The following TIAM1 variants were observed in gnomAD, a reference collection of about 807,000 sequenced individuals.
TIAM1 encodes TIAM Rac1 associated GEF 1, also known as rho guanine nucleotide exchange factor TIAM1.
A neutral mutation model predicts 163.5 loss-of-function variants in TIAM1; 65 were observed. The observed-to-expected ratio is 0.40, with a 90% confidence interval of 0.33 to 0.49. The LOEUF (loss-of-function observed/expected upper bound fraction) is 0.49, where lower values mean the gene tolerates loss of function less well. Among genes scored for constraint, TIAM1 ranks in the 20% least tolerant of loss-of-function variants. The pLI, the probability that TIAM1 is intolerant of heterozygous loss-of-function variation, is 0.77. For synonymous variants in TIAM1, 833 were observed against 810.1 expected (o/e 1.03, Z -0.48); for missense variants, 1,789 against 2,044.7 (o/e 0.87, Z 2.41).
chr21:31,339,904 C>G (rs2075964895), intron 1 of TIAM1, among the ~76,000 whole-genome samples: 1 of 152,154 alleles, frequency 6.6e-6, no homozygotes, highest in Non-Finnish European at 1.5e-5. Flanking sequence ...TTGCAAAATA[C>G]TCATGAAAAC....
intron 2 of TIAM1, among the ~76,000 whole-genome samples, chr21:31,427,084 C>A (rs1483272782): frequency 1.3e-5 from 2 of 152,098 alleles, no homozygotes; most frequent in Non-Finnish European, 1.5e-5. Flanking sequence ...CCATGCCTGG[C>A]TCATGTCTTA....
chr21:31,551,046 A>G (rs1030089950), intron 1 of TIAM1, among the ~76,000 whole-genome samples: 1 of 151,762 alleles, frequency 6.6e-6, no homozygotes, highest in African/African-American at 2.4e-5. Flanking sequence ...CCTAGTCTCT[A>G]CTAAAAATAC....
At chr21:31,130,482 C>T (rs1056419963) in intron 24 of TIAM1, among the ~76,000 whole-genome samples, 167 bp from the exon 25 acceptor site, 5 of 152,036 alleles carry the variant, frequency 3.3e-5, no homozygotes, top group African/African-American at 1.2e-4. Context: ...TGAGAGGCTG[C>T]GTGATAAATA....
At chr21:31,403,752 C>T (rs2147223799) in intron 2 of TIAM1, among the ~76,000 whole-genome samples, 1 of 152,122 alleles carries the variant, frequency 6.6e-6, no homozygotes, top group South Asian at 2.1e-4. Flanking sequence ...TAGAGAGATC[C>T]CTTCTGCTTG....
intron 5 of TIAM1, among the ~76,000 whole-genome samples, chr21:31,251,236 C>A (rs1420290212): frequency 6.6e-6 from 1 of 152,192 alleles, no homozygotes; most frequent in Non-Finnish European, 1.5e-5. Flanking sequence ...TGAGATGCTC[C>A]TCTAGCGTTA....
intron 2 of TIAM1, among the ~76,000 whole-genome samples, chr21:31,435,842 G>A (rs1432859166): frequency 1.3e-5 from 2 of 152,194 alleles, no homozygotes; most frequent in Non-Finnish European, 2.9e-5. Flanking sequence ...ATAAAAACAA[G>A]CTCGGCCCTT....
In TIAM1 at chr21:31,154,388, A is replaced by T; in HGVS notation, c.3030T>A (p.His1010Gln). The change falls in exon 17 of 28, where the codon CAT becomes CAA. Residue 1010 changes from histidine to glutamine, a missense_variant. By Grantham distance (24) the His-to-Gln change is conservative. Transcript: ENST00000541036. ...GGCTCTGGTCAGAGGGGTTCATCTC[A>T]TGCAAACTGCGGCAAAATGCGGCCA... ...EQVAAFCRSL[H>Q]EMNPSDQSPS... 6.2e-7 allele frequency: 1 copy of T among 1,614,122 alleles called. No individual in the cohort carries two copies. The highest frequency in any genetic ancestry group is 8.5e-7 in the Non-Finnish European group (1 of 1,180,014).
chr21:31,133,075 C>A (rs985953513), intron 23 of TIAM1, among the ~76,000 whole-genome samples: 1 of 152,118 alleles, frequency 6.6e-6, no homozygotes, highest in Non-Finnish European at 1.5e-5. Context: ...CCAAATCTGC[C>A]GACTGAGGGT....
intron 19 of TIAM1, among the ~76,000 whole-genome samples, chr21:31,148,332 C>T (rs112535679): frequency 0.12 from 18,241 of 152,068 alleles, 1,286 homozygotes; most frequent in African/African-American, 0.2. Context: ...CTCATGATAG[C>T]GAATAAGTCT....
At chr21:31,133,042 A>G (rs1212511188) in intron 23 of TIAM1, among the ~76,000 whole-genome samples, 1 of 152,172 alleles carries the variant, frequency 6.6e-6, no homozygotes, top group East Asian at 1.9e-4. Context: ...TTTAAACCAA[A>G]ACAAGACAAC....
intron 22 of TIAM1, among the ~76,000 whole-genome samples, chr21:31,138,143 G>A (rs1367675976): frequency 2.0e-5 from 3 of 151,972 alleles, no homozygotes; most frequent in Non-Finnish European, 4.4e-5. Flanking sequence ...TGGGATGCCC[G>A]ACTGAGTCAG....
In TIAM1 at chr21:31,118,910, A is replaced by C; in HGVS notation, c.*1458T>G. On this transcript the variant is annotated 3_prime_UTR_variant, in exon 28 of 28. Coordinates refer to ENST00000541036, the MANE Select transcript of TIAM1 (RefSeq NM_001353694.2). ...ATGTACTGAACTCTCTATTGTCTGGAAATATAAAGTCATAACTGATTTTTA... is the reference window on the plus strand; with the variant it reads ...ATGTACTGAACTCTCTATTGTCTGGCAATATAAAGTCATAACTGATTTTTA... The C allele has an allele frequency of 4.2e-6, 1 of 236,748 alleles. No individual in the cohort carries two copies. The highest frequency in any genetic ancestry group is 8.5e-6 in the Non-Finnish European group (1 of 118,214). 14.7% of individuals were successfully genotyped at this position (236,748 alleles called of 1,614,324 possible).
At chr21:31,215,771 G>C (rs998890867) in intron 9 of TIAM1, among the ~76,000 whole-genome samples, 2 of 152,066 alleles carry the variant, frequency 1.3e-5, no homozygotes, top group Non-Finnish European at 2.9e-5. Flanking sequence ...AAGATCACAA[G>C]ACAAACTGCG....
chr21:31,491,995 GAACT>G (rs538578726), intron 1 of TIAM1, among the ~76,000 whole-genome samples: 131 of 152,198 alleles, frequency 8.6e-4, no homozygotes, highest in African/African-American at 3.1e-3. Context: ...TATTCTTCAA[GAACT>G]AACTTCCTGA....
At chr21:31,167,088 CTTTTTTTTTT>C (rs72031739) in intron 15 of TIAM1, among the ~76,000 whole-genome samples, 12 of 125,104 alleles carry the variant, frequency 9.6e-5, no homozygotes, top group Non-Finnish European at 1.8e-4. Flanking sequence ...AAAGGATTTC[CTTTTTTTTTT>C]TTTTTTTTTT....
At chr21:31,453,817 A>AG (rs2044979868) in intron 2 of TIAM1, among the ~76,000 whole-genome samples, 2 of 96 alleles carry the variant, frequency 0.021, no homozygotes, top group Non-Finnish European at 0.048. Flanking sequence ...AAGAGGGGGG[A>AG]AATAATTGTG....
intron 2 of TIAM1, among the ~76,000 whole-genome samples, chr21:31,445,313 A>G (rs1469943601): frequency 6.6e-6 from 1 of 152,188 alleles, no homozygotes; most frequent in African/African-American, 2.4e-5. Flanking sequence ...ACCTTCTGTA[A>G]TGCTAAGACC....
chr21:31,467,592 C>G (rs1048414994), intron 1 of TIAM1, among the ~76,000 whole-genome samples: 3 of 150,346 alleles, frequency 2.0e-5, no homozygotes, highest in Non-Finnish European at 4.4e-5. Context: ...GGCCACTGCA[C>G]TCCAGCTTGG....
chr21:31,231,770 C>G (rs1359235627), intron 6 of TIAM1, among the ~76,000 whole-genome samples: 2 of 152,092 alleles, frequency 1.3e-5, no homozygotes, highest in African/African-American at 2.4e-5. Context: ...AGTCCCAGCA[C>G]TTTGGGAGGC....
Sources: allele counts gnomAD v4.1 joint callset (sites outside exome capture counted in the v4.1 genomes callset), GRCh38; gene constraint gnomAD v4.1.1; transcripts MANE v1.5; gene names NCBI Gene and HGNC (gene_info 2026-07-23, HGNC 2026-07-21).